SGCZ: variants seen among roughly 807,000 people sequenced by gnomAD.
SGCZ encodes zeta-sarcoglycan.
A neutral mutation model predicts 41.3 loss-of-function variants in SGCZ; 40 were observed. The ratio of observed to expected loss-of-function variants is 0.97; its 90% confidence interval spans 0.75 to 1.26. The LOEUF (loss-of-function observed/expected upper bound fraction) is 1.26, where lower values mean the gene tolerates loss of function less well. Among genes scored for constraint, SGCZ ranks in the 50% most tolerant of loss-of-function variants. SGCZ has a pLI of 0.00. For synonymous variants in SGCZ, 206 were observed against 137.5 expected (o/e 1.50, Z -3.49); for missense variants, 552 against 369.8 (o/e 1.49, Z -4.04).
chr8:15,230,220 A>G (rs1457228), intron 1 of SGCZ, among the ~76,000 whole-genome samples: 150,944 of 151,570 alleles, frequency 1, 75,163 homozygotes, highest in Middle Eastern at 1. Flanking sequence ...GTGAACCACT[A>G]CTTTGCAACA....
intron 1 of SGCZ, among the ~76,000 whole-genome samples, chr8:15,186,985 A>G (rs1800368888): frequency 2.0e-5 from 3 of 152,132 alleles, no homozygotes; most frequent in Non-Finnish European, 4.4e-5. Context: ...AGACCTTTCT[A>G]TTTGTTATAG....
At chr8:14,990,801 TC>T (rs1384149077) in intron 1 of SGCZ, among the ~76,000 whole-genome samples, 1 of 152,160 alleles carries the variant, frequency 6.6e-6, no homozygotes, top group African/African-American at 2.4e-5. Context: ...ATGAAAGTTG[TC>T]CATCCCTGGT....
Position 14,985,659 on chromosome 8 carries a change from G to C in SGCZ, c.39+251926C>G, listed in dbSNP as rs766574940. ...ATTGTGTGCAAGTCAAAGCATCCAG[G>C]AGTAATTCAAGGATGGGCTCAAGTA... On this transcript the variant is annotated intron_variant, in intron 1 of 7. Transcript: ENST00000382080. 1.3e-4 allele frequency among the ~76,000 whole-genome samples: 20 copies of C among 152,140 alleles called. 1 individual carries two copies. The highest frequency in any genetic ancestry group is 2.1e-4 in the Non-Finnish European group (14 of 67,996).
chr8:14,132,334 T>A (rs138717099), intron 5 of SGCZ, among the ~76,000 whole-genome samples: 3 of 152,316 alleles, frequency 2.0e-5, no homozygotes, highest in South Asian at 4.1e-4. Flanking sequence ...ATAGGTAATA[T>A]GTGTACACAA....
intron 1 of SGCZ, among the ~76,000 whole-genome samples, chr8:15,106,081 T>C (rs1806813385): frequency 6.6e-6 from 1 of 152,214 alleles, no homozygotes; most frequent in African/African-American, 2.4e-5. Context: ...CAATATGCTG[T>C]AATATCTAGC....
At chr8:14,378,301 T>A (rs1287223272) in intron 2 of SGCZ, among the ~76,000 whole-genome samples, 1 of 152,142 alleles carries the variant, frequency 6.6e-6, no homozygotes. Context: ...CATTTTTTCA[T>A]GTGTTTTTTG....
intron 1 of SGCZ, among the ~76,000 whole-genome samples, chr8:14,601,099 CA>C (rs1394195541): frequency 6.6e-6 from 1 of 150,852 alleles, no homozygotes; most frequent in African/African-American, 2.4e-5. Context: ...TAAAATTGAT[CA>C]TACTGTATAT....
At chr8:15,147,647 G>A (rs1394067566) in intron 1 of SGCZ, among the ~76,000 whole-genome samples, 1 of 152,104 alleles carries the variant, frequency 6.6e-6, no homozygotes, top group Admixed American at 6.5e-5. Flanking sequence ...GATCCCTTAT[G>A]TAGAATGCAT....
chr8:14,673,394 G>C (rs890999087), intron 1 of SGCZ, among the ~76,000 whole-genome samples: 5 of 152,066 alleles, frequency 3.3e-5, no homozygotes, highest in African/African-American at 1.2e-4. Context: ...ATAAGTGGCA[G>C]TTTCACCTGC....
intron 2 of SGCZ, 90 bp downstream of exon 2, chr8:14,554,642 T>G (rs1266274728): frequency 9.8e-7 from 1 of 1,024,022 alleles, no homozygotes; most frequent in East Asian, 2.6e-5. Context: ...AATATTGATA[T>G]GAATAACTTT....
chr8:15,100,961 G>C (rs1370066704), intron 1 of SGCZ, among the ~76,000 whole-genome samples: 1 of 151,556 alleles, frequency 6.6e-6, no homozygotes, highest in Non-Finnish European at 1.5e-5. Flanking sequence ...AGCTGACAGA[G>C]TGAGACCATG....
chr8:14,262,018 C>T (rs536907417), intron 3 of SGCZ, among the ~76,000 whole-genome samples: 17 of 152,132 alleles, frequency 1.1e-4, no homozygotes, highest in African/African-American at 2.9e-4. Context: ...AATTTAAGCA[C>T]GACAAAATAG....
At chr8:14,813,947 T>C (rs999126794) in intron 1 of SGCZ, among the ~76,000 whole-genome samples, 1 of 150,704 alleles carries the variant, frequency 6.6e-6, no homozygotes, top group Non-Finnish European at 1.5e-5. Flanking sequence ...AGTGAGACTA[T>C]GTCTCAAAAC....
chr8:14,940,343 T>C (rs991312112), intron 1 of SGCZ, among the ~76,000 whole-genome samples: 1 of 152,088 alleles, frequency 6.6e-6, no homozygotes, highest in Non-Finnish European at 1.5e-5. Context: ...AAAATATAAC[T>C]ACAAAATGCC....
chr8:14,268,115 T>C (rs1799938701), intron 3 of SGCZ, among the ~76,000 whole-genome samples: 1 of 150,850 alleles, frequency 6.6e-6, no homozygotes, highest in Non-Finnish European at 1.5e-5. Context: ...TGATAATATA[T>C]ATTGTATCTT....
intron 1 of SGCZ, among the ~76,000 whole-genome samples, chr8:15,232,143 G>C (rs1308407621): frequency 6.6e-6 from 1 of 152,150 alleles, no homozygotes; most frequent in African/African-American, 2.4e-5. Context: ...ATTTTCCTTA[G>C]TAACTTAAAG....
At chr8:14,150,838 T>G (rs192122307) in intron 5 of SGCZ, among the ~76,000 whole-genome samples, 86 of 152,206 alleles carry the variant, frequency 5.7e-4, no homozygotes, top group African/African-American at 2.0e-3. Context: ...AGTACTGTTT[T>G]GCCATAAAAA....
chr8:14,764,623 G>A (rs1056622271), intron 1 of SGCZ, among the ~76,000 whole-genome samples: 2 of 152,128 alleles, frequency 1.3e-5, no homozygotes, highest in Non-Finnish European at 2.9e-5. Flanking sequence ...TCAGTGTTAT[G>A]AGAGACAATT....
intron 4 of SGCZ, among the ~76,000 whole-genome samples, chr8:14,179,266 G>A (rs1267260922): frequency 1.3e-5 from 2 of 152,180 alleles, no homozygotes. Flanking sequence ...AAGCAATGTG[G>A]TGCCCCCTGT....
Sources: gnomAD v4.1 joint callset for allele counts (sites outside exome capture counted in the v4.1 genomes callset) on GRCh38, gnomAD v4.1.1 for gene constraint, MANE v1.5 for transcripts, NCBI Gene and HGNC (gene_info 2026-07-23, HGNC 2026-07-21) for gene names.